The following METAP2 variants were observed in gnomAD, a reference collection of about 807,000 sequenced individuals.
METAP2 encodes methionyl aminopeptidase 2, also known as methionine aminopeptidase 2.
Under a neutral mutation model 59.4 loss-of-function variants are expected in METAP2, and 25 were observed. The observed-to-expected ratio is 0.42, with a 90% confidence interval of 0.31 to 0.59. The LOEUF (loss-of-function observed/expected upper bound fraction) is 0.59. Among genes scored for constraint, METAP2 ranks in the 20% least tolerant of loss-of-function variants. The probability of loss-of-function intolerance (pLI) is 0.16; values close to 1 mark genes in which losing one functional copy is unlikely to be tolerated. For synonymous variants in METAP2, 214 were observed against 194.1 expected, an observed-to-expected ratio of 1.10 and a Z score of -0.85; for missense variants, 366 against 581.2, an observed-to-expected ratio of 0.63 and a Z score of 3.81.
chr12:95,482,106 T>C lies in METAP2; in HGVS notation c.260-1109T>C, dbSNP rs549072904. 578 of 445,516 alleles carry C rather than the reference T, an allele frequency of 1.3e-3. 13 individuals are homozygous for C. Among genetic ancestry groups the C allele is most frequent in the South Asian group, 9.1e-3 (566 of 62,158 alleles). 27.6% of individuals were successfully genotyped at this position (445,516 alleles called of 1,614,324 possible). Reference sequence around the variant, plus strand: ...AATGAATAAGTCAGCAATATTTGTGTTTTGGGTTTGTTGTTGTTAGGATAC... The same window carrying C: ...AATGAATAAGTCAGCAATATTTGTGCTTTGGGTTTGTTGTTGTTAGGATAC... On this transcript the variant is annotated intron_variant, in intron 2 of 10. Coordinates refer to ENST00000323666, the MANE Select transcript of METAP2 (RefSeq NM_006838.4).
chr12:95,496,629 A>G (rs1442760425), intron 7 of METAP2, among the ~76,000 whole-genome samples: 1 of 152,020 alleles, frequency 6.6e-6, no homozygotes, highest in Non-Finnish European at 1.5e-5. Context: ...ACACGCATCT[A>G]CCATTATAGT....
intron 2 of METAP2, among the ~76,000 whole-genome samples, chr12:95,480,058 T>C (rs2076147808): frequency 6.6e-6 from 1 of 152,242 alleles, no homozygotes; most frequent in Non-Finnish European, 1.5e-5. Context: ...TTGGTTCTCT[T>C]GCACTATACC....
intron 8 of METAP2, among the ~76,000 whole-genome samples, chr12:95,510,102 G>T (rs1263957508): frequency 1.3e-5 from 2 of 152,188 alleles, no homozygotes; most frequent in Non-Finnish European, 2.9e-5. Context: ...CTCCCAGAGT[G>T]TTGGGATTAC....
chr12:95,512,027 A>G (rs746527409), intron 9 of METAP2, 29 bp downstream of exon 9: 14 of 1,511,928 alleles, frequency 9.3e-6, no homozygotes, highest in African/African-American at 1.4e-5. Flanking sequence ...TTTTACTTCC[A>G]TGGAAGACAT....
Position 95,513,065 on chromosome 12 carries a change from T to C in METAP2, c.1184+149T>C, listed in dbSNP as rs116440422. 1,777 of 545,036 alleles carry C rather than the reference T, an allele frequency of 3.3e-3. 33 individuals carry two copies. Among genetic ancestry groups the C allele is most frequent in the African/African-American group, 0.032 (1,622 of 50,530 alleles). The allele number at this position is 545,036 out of a possible 1,614,324, so 33.8% of individuals were successfully genotyped here. ...ACAATAAGAAAAAAAAATAGCCTGT[T>C]AAACATTTTAACTGAGATAAAAATT... On this transcript the variant is annotated intron_variant, in intron 10 of 10. Transcript: ENST00000323666.
chr12:95,479,702 G>A (rs557202760), intron 2 of METAP2, among the ~76,000 whole-genome samples: 70 of 151,232 alleles, frequency 4.6e-4, no homozygotes, highest in Non-Finnish European at 9.3e-4. Context: ...TCTGCCTTCC[G>A]GGTTCCAGCG....
At chr12:95,505,155 CCT>C (rs2076348369) in intron 8 of METAP2, among the ~76,000 whole-genome samples, 1 of 152,166 alleles carries the variant, frequency 6.6e-6, no homozygotes, top group Admixed American at 6.5e-5. Context: ...TGTTTTCTTG[CCT>C]CTTAGTAAAT....
At chr12:95,501,130 C>T (rs1336188735) in intron 7 of METAP2, among the ~76,000 whole-genome samples, 3 of 151,520 alleles carry the variant, frequency 2.0e-5, no homozygotes, top group Non-Finnish European at 4.4e-5. Flanking sequence ...CCTGCCTCAG[C>T]TCCCAAGTAG....
At chr12:95,478,562 G>A (rs771708070) in intron 2 of METAP2, among the ~76,000 whole-genome samples, 13 of 151,998 alleles carry the variant, frequency 8.6e-5, no homozygotes, top group Admixed American at 3.3e-4. Flanking sequence ...AACCCAGGAG[G>A]TGGAGGTTGC....
At chr12:95,508,376 C>T (rs2076377900) in intron 8 of METAP2, among the ~76,000 whole-genome samples, 1 of 152,102 alleles carries the variant, frequency 6.6e-6, no homozygotes. Context: ...TCCCCAGAAG[C>T]AAGATTCTTA....
At chr12:95,490,526 C>T (rs138377182) in intron 4 of METAP2, among the ~76,000 whole-genome samples, 1 of 148,930 alleles carries the variant, frequency 6.7e-6, no homozygotes, top group East Asian at 2.0e-4. Context: ...ATCCAGATGA[C>T]TGTTGTGAAC....
At chr12:95,477,186 C>T (rs1156920375) in intron 2 of METAP2, among the ~76,000 whole-genome samples, 4 of 152,060 alleles carry the variant, frequency 2.6e-5, no homozygotes, top group Admixed American at 6.6e-5. Context: ...TCACTGCGAC[C>T]TCCCGAGCTC....
chr12:95,482,018 T>C (rs1234027276), intron 2 of METAP2: 1 of 360,600 alleles, frequency 2.8e-6, no homozygotes, highest in Non-Finnish European at 5.7e-6. Flanking sequence ...CAGTGCACGA[T>C]ATGTGAATTA....
In METAP2 at chr12:95,514,658, T is replaced by A. The variant is rs949027661; in HGVS notation, c.*754T>A. Reference sequence around the variant, plus strand: ...CATTGTGCCAACTCAAAACCTTGATTTAGTAAAAATCTCAATGTTTAGATC... The same window carrying A: ...CATTGTGCCAACTCAAAACCTTGATATAGTAAAAATCTCAATGTTTAGATC... On this transcript the variant is annotated 3_prime_UTR_variant, in exon 11 of 11. Transcript: ENST00000323666. 14 of 152,208 alleles carry A rather than the reference T, an allele frequency of 9.2e-5. No homozygotes were observed. Among genetic ancestry groups the A allele is most frequent in the African/African-American group, 3.4e-4 (14 of 41,460 alleles). The allele number at this position is 152,208 out of a possible 1,614,324, so 9.4% of individuals were successfully genotyped here. A position where few individuals can be genotyped will look rare whatever the true frequency, so the allele number is the denominator to read the frequency against.
intron 7 of METAP2, among the ~76,000 whole-genome samples, chr12:95,496,371 A>G (rs1253769510): frequency 6.6e-6 from 1 of 152,132 alleles, no homozygotes; most frequent in Non-Finnish European, 1.5e-5. Context: ...GTCAGTTGGC[A>G]GTGGTTTTTT....
intron 2 of METAP2, among the ~76,000 whole-genome samples, chr12:95,478,782 A>G (rs1332387923): frequency 1.3e-5 from 2 of 152,226 alleles, no homozygotes; most frequent in Non-Finnish European, 1.5e-5. Flanking sequence ...ATTGGAAGGA[A>G]TAGAACTTGA....
intron 2 of METAP2, among the ~76,000 whole-genome samples, chr12:95,482,616 TAAA>T (rs55652210): frequency 2.5e-4 from 33 of 130,088 alleles, no homozygotes; most frequent in South Asian, 1.0e-3. Context: ...CCATCTCTAC[TAAA>T]AAAAAAAAAA....
chr12:95,476,371 G>A (rs2076118697), intron 2 of METAP2, among the ~76,000 whole-genome samples, 193 bp downstream of exon 2: 1 of 151,978 alleles, frequency 6.6e-6, no homozygotes, highest in Non-Finnish European at 1.5e-5. Context: ...ATTTAGCCGG[G>A]TGTGGTAGCA....
chr12:95,500,199 T>G (rs1249350746), intron 7 of METAP2, among the ~76,000 whole-genome samples: 1 of 152,246 alleles, frequency 6.6e-6, no homozygotes, highest in Non-Finnish European at 1.5e-5. Flanking sequence ...GTAATTTCCT[T>G]TTCAGATTGT....
Sources: gnomAD v4.1 joint callset for allele counts (sites outside exome capture counted in the v4.1 genomes callset) on GRCh38, gnomAD v4.1.1 for gene constraint, MANE v1.5 for transcripts, NCBI Gene and HGNC (gene_info 2026-07-23, HGNC 2026-07-21) for gene names.